Variants in PEDS1 observed in about 807,000 individuals in gnomAD.
The protein encoded by PEDS1 is CarF homolog.
Under a neutral mutation model 35.2 loss-of-function variants are expected in PEDS1, and 14 were observed. That is an observed-to-expected ratio of 0.40 (90% CI 0.26 to 0.62). The LOEUF (loss-of-function observed/expected upper bound fraction) is 0.62. Among genes scored for constraint, PEDS1 ranks in the 20% least tolerant of loss-of-function variants. The probability of loss-of-function intolerance (pLI) is 0.44; values close to 1 mark genes in which losing one functional copy is unlikely to be tolerated. For missense variants in PEDS1, 260 were observed against 367.8 expected, an observed-to-expected ratio of 0.71 and a Z score of 2.40; for synonymous variants, 152 against 152.0, an observed-to-expected ratio of 1.00 and a Z score of 0.00.
rs988071631 is a variant in PEDS1 at position 50,153,677 on chromosome 20, C to T, written c.-40G>A. 5 of 1,208,766 alleles carry T rather than the reference C, an allele frequency of 4.1e-6. No individual in the cohort carries two copies. In the African/African-American group the frequency reaches 7.9e-5, roughly 19 times the overall value. 74.9% of individuals were successfully genotyped at this position (1,208,766 alleles called of 1,614,324 possible). Reference sequence around the variant, plus strand: ...TCGGCCCGGTGCGCTCTGCTGGCGGCGGCGGCGGCAGGGCCGCGGAACCGC... The same window carrying T: ...TCGGCCCGGTGCGCTCTGCTGGCGGTGGCGGCGGCAGGGCCGCGGAACCGC... On this transcript the variant is annotated 5_prime_UTR_variant, in exon 1 of 6. Coordinates refer to ENST00000371652, the MANE Select transcript of PEDS1 (RefSeq NM_199129.4).
intron 1 of PEDS1, chr20:50,151,212 C>G (rs902670289): frequency 1.5e-6 from 2 of 1,301,994 alleles, no homozygotes; most frequent in Non-Finnish European, 2.0e-6. Flanking sequence ...CCTCCCCTAC[C>G]TCCAGGTCTG....
chr20:50,143,432 G>A (rs1187602960), intron 2 of PEDS1, 70 bp downstream of exon 2: 16 of 1,551,124 alleles, frequency 1.0e-5, no homozygotes, highest in Middle Eastern at 3.5e-4. Flanking sequence ...ACACACACAC[G>A]CGCCAGTTAC....
chr20:50,128,535 C>T lies in PEDS1; in HGVS notation c.479-348G>A, dbSNP rs565196842. Among the ~76,000 whole-genome samples the T allele has an allele frequency of 3.5e-4, 54 of 152,294 alleles. No homozygotes were observed. Among genetic ancestry groups the T allele is most frequent in the Non-Finnish European group, 6.0e-4 (41 of 68,024 alleles). On this transcript the variant is annotated intron_variant, in intron 4 of 5. Coordinates refer to ENST00000371652, the MANE Select transcript of PEDS1 (RefSeq NM_199129.4). This position sits in a 1 kb window ranked among gnomAD's most constrained non-coding sequence, Gnocchi z 5.2. ...CTGCCTCTAAGAAGCTTAATTTCCC[C>T]ATCAGGAAAATGGGAATGATGCCTT...
chr20:50,151,286 G>T (rs2081400007), intron 1 of PEDS1: 3 of 1,304,158 alleles, frequency 2.3e-6, no homozygotes, highest in Admixed American at 2.3e-5. Context: ...TCTGATTCAG[G>T]CATGGCTGTT....
In PEDS1 at chr20:50,129,460, C is replaced by CA; in HGVS notation, c.478+85dup. On this transcript the variant is annotated intron_variant, in intron 4 of 5. Coordinates refer to ENST00000371652, the MANE Select transcript of PEDS1 (RefSeq NM_199129.4). This position sits in a 1 kb window ranked among gnomAD's most constrained non-coding sequence, Gnocchi z 4.2. ...ACTCTTTTAAAATACCATAAGGAGCCAAACACATAAGCCCCAGAAGGCTCC... is the reference window on the plus strand; with the variant it reads ...ACTCTTTTAAAATACCATAAGGAGCCAAAACACATAAGCCCCAGAAGGCTCC... The CA allele has an allele frequency of 6.5e-7, 1 of 1,549,148 alleles. No individual in the cohort carries two copies. The highest frequency in any genetic ancestry group is 8.7e-7 in the Non-Finnish European group (1 of 1,148,122).
In PEDS1 at chr20:50,123,287, C is replaced by T. The variant is rs13043106; in HGVS notation, c.*1771G>A. The T allele has an allele frequency of 0.28, 42,363 of 149,816 alleles. 5,976 individuals carry two copies. Among genetic ancestry groups the T allele is most frequent in the Middle Eastern group, 0.4 (115 of 290 alleles). 9.3% of individuals were successfully genotyped at this position (149,816 alleles called of 1,614,324 possible). A position where few individuals can be genotyped will look rare whatever the true frequency, so the allele number is the denominator to read the frequency against. On this transcript the variant is annotated 3_prime_UTR_variant, in exon 6 of 6. Coordinates refer to ENST00000371652, the MANE Select transcript of PEDS1 (RefSeq NM_199129.4). ...CTTGTTCTTTTTTTTTTTTTCTAAG[C>T]GAAGTCTCGCTCTTATCCCCCAGGT...
At chr20:50,127,340 GTTTTTTTTTT>G (rs11471254) in intron 5 of PEDS1, among the ~76,000 whole-genome samples, 5 of 87,184 alleles carry the variant, frequency 5.7e-5, no homozygotes, top group African/African-American at 1.5e-4. Flanking sequence ...GTGTTTTCTG[GTTTTTTTTTT>G]TTTTTTTTTT....
At chr20:50,132,181 C>T (rs1479746593) in intron 2 of PEDS1, among the ~76,000 whole-genome samples, 1 of 152,016 alleles carries the variant, frequency 6.6e-6, no homozygotes, top group Non-Finnish European at 1.5e-5. Context: ...CCTGCCTGGC[C>T]AACAGAGTGA....
intron 2 of PEDS1, among the ~76,000 whole-genome samples, chr20:50,134,653 G>C: frequency 6.6e-6 from 1 of 152,238 alleles, no homozygotes; most frequent in Non-Finnish European, 1.5e-5. Context: ...TCAGAGTCCA[G>C]GTTCCTTGTT....
At chr20:50,127,129 T>C (rs879708860) in intron 5 of PEDS1, among the ~76,000 whole-genome samples, 15 of 152,182 alleles carry the variant, frequency 9.9e-5, no homozygotes, top group Non-Finnish European at 1.9e-4. Context: ...TCTGCACGGC[T>C]TTGTCCCTCA....
In PEDS1 at chr20:50,119,730, C is replaced by G. The variant is rs773135093; in HGVS notation, c.*5328G>C. The G allele has an allele frequency of 2.0e-5, 3 of 152,090 alleles. No individual in the cohort carries two copies. The highest frequency in any genetic ancestry group is 4.4e-5 in the Non-Finnish European group (3 of 68,028). 9.4% of individuals were successfully genotyped at this position (152,090 alleles called of 1,614,324 possible). ...GGGAACATGAATGGGGAGCAATTTA[C>G]CCTTCATTCTAGACTAGGGAGAGGT... On this transcript the variant is annotated 3_prime_UTR_variant, in exon 6 of 6. Coordinates refer to ENST00000371652, the MANE Select transcript of PEDS1 (RefSeq NM_199129.4).
rs111403584 is a variant in PEDS1, at chr20:50,153,313, C to T, written c.121+204G>A. Reference sequence around the variant, plus strand: ...TAATTTCTTGATCTGGGGAGTGTCTCTGCAGCCAGGAAACCCCGGGGCCAA... The same window carrying T: ...TAATTTCTTGATCTGGGGAGTGTCTTTGCAGCCAGGAAACCCCGGGGCCAA... On this transcript the variant is annotated intron_variant, in intron 1 of 5. Coordinates refer to ENST00000371652, the MANE Select transcript of PEDS1 (RefSeq NM_199129.4). Among the ~76,000 whole-genome samples, 468 of 152,172 alleles carry T rather than the reference C, an allele frequency of 3.1e-3. 4 individuals carry two copies. The highest frequency in any genetic ancestry group is 0.011 in the African/African-American group (438 of 41,512).
chr20:50,149,822 A>G (rs73913830), intron 1 of PEDS1, among the ~76,000 whole-genome samples: 4 of 152,298 alleles, frequency 2.6e-5, no homozygotes, highest in African/African-American at 9.6e-5. Flanking sequence ...GTGAAGAGTA[A>G]GAACACAGAA....
chr20:50,139,142 C>A (rs369100225), intron 2 of PEDS1, among the ~76,000 whole-genome samples: 1 of 152,168 alleles, frequency 6.6e-6, no homozygotes, highest in South Asian at 2.1e-4. Flanking sequence ...GGCCACGACC[C>A]GAGCCTGGGA....
chr20:50,128,212 C>T lies in PEDS1; in HGVS notation c.479-25G>A, dbSNP rs141662240. ...TCTGCAGGTTGGGGAGAGGGGGGGCCGGCACAGCTGTCACTCGGGACGGGG... is the reference window on the plus strand; with the variant it reads ...TCTGCAGGTTGGGGAGAGGGGGGGCTGGCACAGCTGTCACTCGGGACGGGG... On this transcript the variant is annotated intron_variant, in intron 4 of 5. Transcript: ENST00000371652. The surrounding 1 kb of genome is among the most constrained non-coding windows in gnomAD (Gnocchi z 5.2). 771 of 1,612,730 alleles carry T rather than the reference C, an allele frequency of 4.8e-4. 6 individuals are homozygous for T. The East Asian group carries it at 0.011, about 24-fold the overall frequency.
intron 1 of PEDS1, among the ~76,000 whole-genome samples, chr20:50,149,869 A>G (rs1189760268): frequency 6.6e-6 from 1 of 152,176 alleles, no homozygotes; most frequent in Non-Finnish European, 1.5e-5. Context: ...CCCGGGTTCC[A>G]GGCCTAGCCC....
rs2081129874 is a variant in PEDS1, at chr20:50,128,028, T to C, written c.638A>G (p.His213Arg). ...QDWHVILPRK[H>R]HRIHHVSPHE... The stretch of plus-strand genomic sequence containing the variant: ...GGGTGAGACGTGGTGGATGCGATGG[T>C]GTTTACGTGGCAGGATGACATGCCA... Residue 213 changes from histidine to arginine, a missense_variant, in exon 5 of 6, where the codon CAC becomes CGC. His to Arg is a conservative substitution (Grantham distance 29). This residue lies in a region of PEDS1 where 83 missense variants were observed against 142.8 expected (regional missense o/e 0.58). Transcript: ENST00000371652. The surrounding 1 kb of genome is among the most constrained non-coding windows in gnomAD (Gnocchi z 5.2). 6.2e-7 allele frequency: 1 copy of C among 1,613,994 alleles called. No homozygotes were observed. Among genetic ancestry groups the C allele is most frequent in the Non-Finnish European group, 8.5e-7 (1 of 1,179,974 alleles).
intron 2 of PEDS1, among the ~76,000 whole-genome samples, chr20:50,133,090 TC>T (rs1396453845): frequency 6.6e-6 from 1 of 151,972 alleles, no homozygotes; most frequent in Non-Finnish European, 1.5e-5. Flanking sequence ...GGGACCAGGG[TC>T]TTGGGGGTAC....
intron 2 of PEDS1, among the ~76,000 whole-genome samples, chr20:50,140,059 C>T (rs2081277020): frequency 6.6e-6 from 1 of 152,208 alleles, no homozygotes; most frequent in Non-Finnish European, 1.5e-5. Context: ...CTGCCGATGA[C>T]CTCTCTCCAT....
Sources: gnomAD v4.1 joint callset for allele counts (sites outside exome capture counted in the v4.1 genomes callset) on GRCh38, gnomAD v4.1.1 for gene constraint, gnomAD v4.1.1 regional missense constraint, Gnocchi (gnomAD v3.1) non-coding constraint, MANE v1.5 for transcripts, NCBI Gene and HGNC (gene_info 2026-07-23, HGNC 2026-07-21) for gene names.